The following ATR variants were observed in gnomAD, a reference collection of about 807,000 sequenced individuals.
The protein encoded by ATR is serine/threonine-protein kinase ATR.
In ATR, 142 loss-of-function variants were observed where a neutral mutation model predicts 305.3. The observed-to-expected ratio is 0.47, with a 90% CI of 0.41 to 0.53. ATR has a LOEUF of 0.53. Among genes scored for constraint, ATR ranks in the 20% least tolerant of loss-of-function variants. The pLI, the probability that ATR is intolerant of heterozygous loss-of-function variation, is 0.00. For missense variants in ATR, 2,135 were observed against 3,133.1 expected, an observed-to-expected ratio of 0.68 and a Z score of 7.60; for synonymous variants, 1,050 against 1,068.1, an observed-to-expected ratio of 0.98 and a Z score of 0.33.
chr3:142,492,008 A>G (rs886841866), intron 35 of ATR, among the ~76,000 whole-genome samples: 1 of 152,022 alleles, frequency 6.6e-6, no homozygotes, highest in African/African-American at 2.4e-5. Flanking sequence ...TTTTTAATGG[A>G]TGCTGGATAT....
rs1331144637 is a variant in ATR, at chr3:142,505,241, T to C, written c.5094A>G (p.Ala1698=). 13 of 1,614,050 alleles carry C rather than the reference T, an allele frequency of 8.1e-6. No homozygotes were observed. The highest frequency in any genetic ancestry group is 1.0e-5 in the Non-Finnish European group (12 of 1,180,002). ...GGATCTGTTCTTTTAGAGATGGTTC[T>C]GCCTTTCTAATTGCACTGACTCCGG... ...GVAGVSAIRK[A]EPSLKEQILE... Residue 1698 remains alanine (A), a synonymous_variant, in exon 29 of 47, where the codon GCA becomes GCG. Coordinates refer to ENST00000350721, the MANE Select transcript of ATR (RefSeq NM_001184.4).
chr3:142,560,139 T>A, intron 6 of ATR, 124 bp downstream of exon 6: 1 of 911,322 alleles, frequency 1.1e-6, no homozygotes, highest in Non-Finnish European at 1.8e-6. Context: ...AAAATAAATT[T>A]ATTAACTACT....
chr3:142,449,648 G>T, intron 46 of ATR, 46 bp from the exon 47 acceptor site: 1 of 1,568,778 alleles, frequency 6.4e-7, no homozygotes, highest in Non-Finnish European at 8.7e-7. Context: ...TAATAATTTG[G>T]AATTACTACC....
chr3:142,539,659 A>G (rs2033979675), intron 18 of ATR, among the ~76,000 whole-genome samples: 3 of 152,094 alleles, frequency 2.0e-5, no homozygotes, highest in South Asian at 2.1e-4. Flanking sequence ...AGGTCCTGCT[A>G]TGTTGCCCAG....
chr3:142,550,573 C>T (rs950503867), intron 13 of ATR, among the ~76,000 whole-genome samples: 124 of 152,062 alleles, frequency 8.2e-4, no homozygotes, highest in African/African-American at 2.8e-3. Context: ...AACTTTTCAG[C>T]CATTAATTGA....
chr3:142,484,884 G>C (rs2030809699), intron 36 of ATR, among the ~76,000 whole-genome samples: 1 of 152,180 alleles, frequency 6.6e-6, no homozygotes, highest in South Asian at 2.1e-4. Context: ...TGCTGTGTTG[G>C]TGTGAGAGCA....
intron 5 of ATR, among the ~76,000 whole-genome samples, chr3:142,560,941 AAT>A (rs2034857382): frequency 6.6e-6 from 1 of 152,232 alleles, no homozygotes; most frequent in Admixed American, 6.5e-5. Flanking sequence ...CTTTATAAAA[AAT>A]AGTTGGTTAA....
chr3:142,523,899 A>T, intron 22 of ATR, 94 bp downstream of exon 22: 1 of 1,302,100 alleles, frequency 7.7e-7, no homozygotes, highest in Non-Finnish European at 1.1e-6. Flanking sequence ...TGAAGCTTTT[A>T]TTAAGGATAA....
intron 3 of ATR, among the ~76,000 whole-genome samples, chr3:142,565,406 A>C (rs1008794494): frequency 1.3e-5 from 2 of 152,196 alleles, no homozygotes; most frequent in Admixed American, 1.3e-4. Context: ...GAAGACACCA[A>C]TGAAGGGACA....
intron 4 of ATR, 109 bp downstream of exon 4, chr3:142,562,123 A>G: frequency 8.5e-7 from 1 of 1,180,220 alleles, no homozygotes; most frequent in Non-Finnish European, 1.2e-6. Flanking sequence ...CCAAATATAA[A>G]TTACTATTAA....
chr3:142,505,919 T>C (rs1452838723), intron 28 of ATR, among the ~76,000 whole-genome samples: 2 of 152,064 alleles, frequency 1.3e-5, no homozygotes, highest in African/African-American at 4.8e-5. Flanking sequence ...TGAGATAACT[T>C]GGAAGAAAAC....
Position 142,572,371 on chromosome 3 carries a change from ACTT to A in ATR, c.60-4220_60-4218del, listed in dbSNP as rs1385903374. ...GGCGTGAGCCACCACGCCCGGCCTG[ACTT>A]TTTTTTTTTTTTTTTTTTTTTTTTT... On this transcript the variant is annotated intron_variant, in intron 1 of 46. Coordinates refer to ENST00000350721, the MANE Select transcript of ATR (RefSeq NM_001184.4). 8.1e-3 allele frequency among the ~76,000 whole-genome samples: 398 copies of A among 48,974 alleles called. 3 individuals are homozygous for A. The highest frequency in any genetic ancestry group is 0.023 in the African/African-American group (340 of 14,720). 32.1% of individuals were successfully genotyped at this position (48,974 alleles called of 152,430 possible). A position where few individuals can be genotyped will look rare whatever the true frequency, so the allele number is the denominator to read the frequency against.
intron 1 of ATR, among the ~76,000 whole-genome samples, 157 bp downstream of exon 1, chr3:142,578,489 G>A (rs2035512394): frequency 6.6e-6 from 1 of 152,230 alleles, no homozygotes; most frequent in Non-Finnish European, 1.5e-5. Context: ...CACTCTGAGG[G>A]AGAAGCGCCC....
intron 46 of ATR, chr3:142,450,868 GCAGA>G: frequency 2.3e-6 from 3 of 1,325,086 alleles, no homozygotes; most frequent in Non-Finnish European, 2.9e-6. Flanking sequence ...CTCCGACCAA[GCAGA>G]CAGATACCAA....
intron 35 of ATR, among the ~76,000 whole-genome samples, chr3:142,487,895 A>C (rs977090255): frequency 6.6e-6 from 1 of 152,232 alleles, no homozygotes; most frequent in African/African-American, 2.4e-5. Context: ...TTTTCCTATA[A>C]GATACCCAAG....
In ATR at chr3:142,493,287, C is replaced by T; in HGVS notation, c.5923G>A (p.Val1975Ile). The T allele has an allele frequency of 6.2e-7, 1 of 1,613,530 alleles. No homozygotes were observed. ...CATAATTCAACACCTTTTTGAAGAA[C>T]AATTAGTGCCTGGTGAACATCACCC... is the stretch of plus-strand genomic sequence containing the variant. ...SKGDVHQALIVLQKGVELCFP... is the reference protein window; with the variant it reads ...SKGDVHQALIILQKGVELCFP... Residue 1975 changes from valine to isoleucine, a missense_variant, in exon 35 of 47, where the codon GTT becomes ATT. Physicochemically the swap from Val to Ile is conservative, Grantham distance 29. Coordinates refer to ENST00000350721, the MANE Select transcript of ATR (RefSeq NM_001184.4).
intron 8 of ATR, among the ~76,000 whole-genome samples, chr3:142,558,261 G>C (rs1368691439): frequency 1.3e-5 from 2 of 151,964 alleles, no homozygotes; most frequent in African/African-American, 4.8e-5. Context: ...GGTGGCTCAC[G>C]CCTGTAATCC....
intron 41 of ATR, among the ~76,000 whole-genome samples, chr3:142,462,694 T>A (rs2071046286): frequency 6.6e-6 from 1 of 152,182 alleles, no homozygotes; most frequent in African/African-American, 2.4e-5. Flanking sequence ...GGTCTCGATC[T>A]CCTGACCTAG....
chr3:142,451,073 G>T (rs1449464225), intron 46 of ATR: 30 of 1,280,792 alleles, frequency 2.3e-5, no homozygotes, highest in African/African-American at 4.6e-5. Context: ...AAATGGCCTG[G>T]CTGGTTTGTC....
Sources: gnomAD v4.1 joint callset for allele counts (sites outside exome capture counted in the v4.1 genomes callset) on GRCh38, gnomAD v4.1.1 for gene constraint, MANE v1.5 for transcripts, NCBI Gene and HGNC (gene_info 2026-07-23, HGNC 2026-07-21) for gene names.